The following WDR37 variants were observed in gnomAD, a reference collection of about 807,000 sequenced individuals.
The protein encoded by WDR37 is WD repeat-containing protein 37.
In WDR37, 19 loss-of-function variants were observed where a neutral mutation model predicts 62.9. That is an observed-to-expected ratio of 0.30 (90% CI 0.21 to 0.44). The LOEUF is 0.44. WDR37 is among the 20% of genes least tolerant of loss of function. The pLI, the probability that WDR37 is intolerant of heterozygous loss-of-function variation, is 1.00. For missense variants in WDR37, 474 were observed against 657.6 expected, an observed-to-expected ratio of 0.72 and a Z score of 3.05; for synonymous variants, 250 against 260.9, an observed-to-expected ratio of 0.96 and a Z score of 0.40.
chr10:1,095,555 T>C (rs1213257286), intron 8 of WDR37, among the ~76,000 whole-genome samples: 1 of 152,116 alleles, frequency 6.6e-6, no homozygotes, highest in East Asian at 1.9e-4. Flanking sequence ...TGGGTGGCAG[T>C]GAAGAGAAGG....
intron 11 of WDR37, among the ~76,000 whole-genome samples, chr10:1,122,163 TC>T (rs1467407297): frequency 1.3e-5 from 2 of 152,116 alleles, no homozygotes; most frequent in African/African-American, 4.8e-5. Context: ...ACTCCAGAGT[TC>T]CAAGCAATTT....
At chr10:1,087,574 G>A (rs949820133) in intron 7 of WDR37, among the ~76,000 whole-genome samples, 9 of 152,228 alleles carry the variant, frequency 5.9e-5, no homozygotes, top group Non-Finnish European at 1.0e-4. Context: ...GTGAGCAGGT[G>A]CGTTGTCAAT....
intron 9 of WDR37, among the ~76,000 whole-genome samples, chr10:1,096,973 C>T (rs987097292): frequency 6.6e-6 from 1 of 152,144 alleles, no homozygotes; most frequent in Non-Finnish European, 1.5e-5. Context: ...TCTGCTGAGG[C>T]TTAGAGGAGG....
chr10:1,128,011 C>T (rs1364249792), intron 13 of WDR37, among the ~76,000 whole-genome samples: 3 of 152,208 alleles, frequency 2.0e-5, no homozygotes, highest in Non-Finnish European at 2.9e-5. Flanking sequence ...GTTTTGCCTC[C>T]AGTTAGTGGA....
At chr10:1,111,526 C>T (rs1437962819) in intron 11 of WDR37, among the ~76,000 whole-genome samples, 2 of 152,178 alleles carry the variant, frequency 1.3e-5, no homozygotes, top group South Asian at 2.1e-4. Flanking sequence ...AACGTGTGGT[C>T]ATTACCTTTG....
Position 1,105,381 on chromosome 10 carries a change from A to AAAAAAT in WDR37, c.1103+117_1103+122dup. ...GTATTTCCGACTCTACTATCTTTCA[A>AAAAAAT]AAAAATAACTACCTTTCAAATTCTG... On this transcript the variant is annotated intron_variant, in intron 11 of 13. Transcript: ENST00000263150. This position sits in a 1 kb window ranked among gnomAD's most constrained non-coding sequence, Gnocchi z 5.3. 1 of 1,289,268 alleles carries AAAAAAT rather than the reference A, an allele frequency of 7.8e-7. No individual in the cohort carries two copies. Among genetic ancestry groups the AAAAAAT allele is most frequent in the Non-Finnish European group, 1.1e-6 (1 of 948,186 alleles). The allele number at this position is 1,289,268 out of a possible 1,614,324, so 79.9% of individuals were successfully genotyped here. A position where few individuals can be genotyped will look rare whatever the true frequency, so the allele number is the denominator to read the frequency against.
intron 3 of WDR37, 23 bp from the exon 4 acceptor site, chr10:1,079,988 T>G: frequency 1.2e-6 from 2 of 1,610,284 alleles, no homozygotes. Flanking sequence ...ACTTTAGATT[T>G]TTGAAAACTT....
At chr10:1,069,910 A>G (rs1763381393) in intron 1 of WDR37, among the ~76,000 whole-genome samples, 1 of 152,166 alleles carries the variant, frequency 6.6e-6, no homozygotes, top group African/African-American at 2.4e-5. Context: ...AGTTATTTCA[A>G]AATACAAAGT....
intron 6 of WDR37, 122 bp from the exon 7 acceptor site, chr10:1,086,164 G>C (rs1834194356): frequency 1.4e-6 from 1 of 729,366 alleles, no homozygotes; most frequent in Non-Finnish European, 2.3e-6. Context: ...TAGAATCAAA[G>C]GTGGAAGAGA....
Position 1,069,370 on chromosome 10 carries a change from AATAT to A in WDR37, c.-40-2729_-40-2726del, listed in dbSNP as rs1351085134. Among the ~76,000 whole-genome samples the A allele has an allele frequency of 2.1e-4, 17 of 81,414 alleles. 1 individual carries two copies. Among genetic ancestry groups the A allele is most frequent in the African/African-American group, 5.9e-4 (12 of 20,200 alleles). 53.4% of individuals were successfully genotyped at this position (81,414 alleles called of 152,430 possible). A position where few individuals can be genotyped will look rare whatever the true frequency, so the allele number is the denominator to read the frequency against. ...TAGTAATAGTAAAAAAATTGGAAAGAATATATATATATATATATATTTTTTTTTT... is the reference window on the plus strand; with the variant it reads ...TAGTAATAGTAAAAAAATTGGAAAGAATATATATATATATATTTTTTTTTT... On this transcript the variant is annotated intron_variant, in intron 1 of 13. Transcript: ENST00000263150.
chr10:1,126,747 G>T (rs996114895), intron 13 of WDR37, among the ~76,000 whole-genome samples: 2 of 152,228 alleles, frequency 1.3e-5, no homozygotes, highest in Admixed American at 6.5e-5. Flanking sequence ...GAAAGTGGGG[G>T]TTCTCTCAGC....
At chr10:1,096,043 A>C (rs531602355) in intron 8 of WDR37, 127 bp from the exon 9 acceptor site, 5 of 780,334 alleles carry the variant, frequency 6.4e-6, no homozygotes, top group Non-Finnish European at 1.1e-5. Context: ...TAAAAAGTAC[A>C]TTCCTCTCAC....
At chr10:1,070,456 C>T (rs1433213384) in intron 1 of WDR37, among the ~76,000 whole-genome samples, 1 of 152,092 alleles carries the variant, frequency 6.6e-6, no homozygotes, top group Non-Finnish European at 1.5e-5. Flanking sequence ...TATATACTCA[C>T]ATTCATATTT....
At chr10:1,110,605 G>A (rs1835184269) in intron 11 of WDR37, among the ~76,000 whole-genome samples, 1 of 152,238 alleles carries the variant, frequency 6.6e-6, no homozygotes, top group African/African-American at 2.4e-5. Flanking sequence ...GAGGTCCGGG[G>A]TGCGGGTTTA....
Position 1,103,018 on chromosome 10 carries a change from G to A in WDR37, c.727-584G>A, listed in dbSNP as rs372970159. On this transcript the variant is annotated intron_variant, in intron 9 of 13. Coordinates refer to ENST00000263150, the MANE Select transcript of WDR37 (RefSeq NM_014023.4). The surrounding 1 kb of genome is among the most constrained non-coding windows in gnomAD (Gnocchi z 6.3). ...GGCTGGGGGTGGGGACTGGCACTCT[G>A]TCACCCCCTGATAAATATTTGTTGG... Among the ~76,000 whole-genome samples, 32 of 152,276 alleles carry A rather than the reference G, an allele frequency of 2.1e-4. No homozygotes were observed. Among genetic ancestry groups the A allele is most frequent in the African/African-American group, 7.5e-4 (31 of 41,552 alleles).
chr10:1,098,102 A>G (rs1445312121), intron 9 of WDR37, among the ~76,000 whole-genome samples: 1 of 152,134 alleles, frequency 6.6e-6, no homozygotes, highest in East Asian at 1.9e-4. Flanking sequence ...TCTCAACTGA[A>G]TGTCTCCGTC....
At chr10:1,091,098 G>A (rs1037502194) in intron 7 of WDR37, among the ~76,000 whole-genome samples, 1 of 152,214 alleles carries the variant, frequency 6.6e-6, no homozygotes, top group African/African-American at 2.4e-5. Flanking sequence ...TATTTTGAGT[G>A]GGTGAGCAGT....
In WDR37 at chr10:1,068,434, G is replaced by A. The variant is rs372220056; in HGVS notation, c.-40-3682G>A. Among the ~76,000 whole-genome samples the A allele has an allele frequency of 3.3e-5, 5 of 151,658 alleles. No homozygotes were observed. In the East Asian group the frequency reaches 5.8e-4, roughly 18 times the overall value. On this transcript the variant is annotated intron_variant, in intron 1 of 13. Coordinates refer to ENST00000263150, the MANE Select transcript of WDR37 (RefSeq NM_014023.4). ...ATTGAGCCACTGCACTCCAGCCTGG[G>A]CGACAGCGAGACTCTGTCTCAAAAA...
intron 9 of WDR37, among the ~76,000 whole-genome samples, chr10:1,102,122 G>C (rs1024390307): frequency 6.0e-5 from 9 of 148,950 alleles, no homozygotes; most frequent in Admixed American, 3.3e-4. Flanking sequence ...CCGTGCTGCT[G>C]TGCGTCCCTG....
Sources: allele counts gnomAD v4.1 joint callset (sites outside exome capture counted in the v4.1 genomes callset), GRCh38; gene constraint gnomAD v4.1.1; non-coding constraint Gnocchi (gnomAD v3.1); transcripts MANE v1.5; gene names NCBI Gene and HGNC (gene_info 2026-07-23, HGNC 2026-07-21).